ATAD2B: variants seen among roughly 807,000 people sequenced by gnomAD.
ATAD2B encodes ATPase family AAA domain containing 2B.
A neutral mutation model predicts 167.6 loss-of-function variants in ATAD2B; 40 were observed. The observed-to-expected ratio is 0.24, with a 90% CI of 0.19 to 0.31. The LOEUF (loss-of-function observed/expected upper bound fraction) is 0.31. Ranked by LOEUF, ATAD2B falls within the 10% of genes least tolerant of loss-of-function variation. The pLI is 1.00. For missense variants in ATAD2B, 1,242 were observed against 1,757.2 expected (o/e 0.71, Z 5.24); for synonymous variants, 579 against 596.5 (o/e 0.97, Z 0.43).
Position 23,867,919 on chromosome 2 carries a change from C to T in ATAD2B, c.1104G>A (p.Glu368=), listed in dbSNP as rs1203344854. 6.2e-7 allele frequency: 1 copy of T among 1,613,390 alleles called. No individual in the cohort carries two copies. The highest frequency in any genetic ancestry group is 8.5e-7 in the Non-Finnish European group (1 of 1,179,662). The change falls in exon 10 of 28, where the codon GAG becomes GAA. Residue 368 remains glutamate (E), a synonymous_variant. Transcript: ENST00000238789. ...NRCLPMNFRA[E]DLASGILRER... ...CTCGGAGAATACCGCTAGCTAAGTCCTCTGCTCTGAAGTTCATAGGCAAAC... is the reference window on the plus strand; with the variant it reads ...CTCGGAGAATACCGCTAGCTAAGTCTTCTGCTCTGAAGTTCATAGGCAAAC...
intron 1 of ATAD2B, among the ~76,000 whole-genome samples, chr2:23,924,556 TGTAAGAGTAGTTACGTCTCTAAAA>T (rs2150730529): frequency 6.6e-6 from 1 of 152,314 alleles, no homozygotes; most frequent in African/African-American, 2.4e-5. Context: ...CCAATCACTA[TGTAAGAGTAGTTACGTCTCTAAAA>T]AAACCTTTCA....
chr2:23,862,067 G>A (rs1489145522), intron 12 of ATAD2B, among the ~76,000 whole-genome samples: 1 of 152,076 alleles, frequency 6.6e-6, no homozygotes, highest in Non-Finnish European at 1.5e-5. Context: ...AAGTGTGGTA[G>A]TGCACACCTG....
chr2:23,855,968 C>T (rs1693329010), intron 13 of ATAD2B: 1 of 152,056 alleles, frequency 6.6e-6, no homozygotes, highest in African/African-American at 2.4e-5. Flanking sequence ...GCGGGTGGAT[C>T]ACAATGTCAG....
the ATAD2B span, among the ~76,000 whole-genome samples, chr2:23,699,686 C>T: frequency 1.3e-5 from 2 of 152,186 alleles, no homozygotes; most frequent in African/African-American, 4.8e-5. Flanking sequence ...AACCGTTTGC[C>T]TTCTCGGCGC....
At chr2:23,754,881 A>G in intron 25 of ATAD2B, 107 bp from the exon 26 acceptor site, 3 of 1,174,684 alleles carry the variant, frequency 2.6e-6, no homozygotes. Flanking sequence ...TTTTGGAATG[A>G]GGAAGGGTGT....
chr2:23,918,776 G>C (rs572199244), intron 1 of ATAD2B, among the ~76,000 whole-genome samples: 1 of 152,100 alleles, frequency 6.6e-6, no homozygotes, highest in Non-Finnish European at 1.5e-5. Context: ...TGATAAGTGA[G>C]GTAAAGAACT....
In ATAD2B at chr2:23,786,121, A is replaced by G. The variant is rs1680768947; in HGVS notation, c.2879T>C (p.Leu960Ser). 1 of 1,610,352 alleles carries G rather than the reference A, an allele frequency of 6.2e-7. No individual in the cohort carries two copies. The highest frequency in any genetic ancestry group is 8.5e-7 in the Non-Finnish European group (1 of 1,178,212). ...SRMEDQEENT[L>S]RELRLFLRDV... ...CCTGAGAAACAACCGCAACTCTCTT[A>G]AAGTATTTTCCTCCTGGTCCTCCAT... The change falls in exon 21 of 28, where the codon TTA becomes TCA. Residue 960 changes from leucine to serine, a missense_variant. Leu to Ser is a moderately radical substitution (Grantham distance 145). This residue lies in a region of ATAD2B where 204 missense variants were observed against 324.0 expected (regional missense o/e 0.63). Coordinates refer to ENST00000238789, the MANE Select transcript of ATAD2B (RefSeq NM_017552.4).
chr2:23,909,591 A>T (rs1558783828), intron 1 of ATAD2B, among the ~76,000 whole-genome samples: 1 of 152,014 alleles, frequency 6.6e-6, no homozygotes, highest in Non-Finnish European at 1.5e-5. Flanking sequence ...ATATAAACCC[A>T]TAGTACATGT....
rs1572724034 is a variant in ATAD2B at position 23,781,534 on chromosome 2, A to G, written c.3133+1335T>C. Among the ~76,000 whole-genome samples, 5 of 151,684 alleles carry G rather than the reference A, an allele frequency of 3.3e-5. No homozygotes were observed. The East Asian group carries it at 9.7e-4, about 29-fold the overall frequency. ...ACAAAAATTAGCTGGACGTGGTGGC[A>G]GGTGCCTGAAATCCCAGCTACTCGG... On this transcript the variant is annotated intron_variant, in intron 22 of 27. Transcript: ENST00000238789.
At chr2:23,792,381 C>T (rs1681889762) in intron 19 of ATAD2B, among the ~76,000 whole-genome samples, 3 of 151,414 alleles carry the variant, frequency 2.0e-5, no homozygotes, top group Non-Finnish European at 4.4e-5. Context: ...TTAACACATT[C>T]CTTAGAATTG....
chr2:23,854,570 CG>C (rs1693063191), intron 13 of ATAD2B, among the ~76,000 whole-genome samples: 1 of 150,860 alleles, frequency 6.6e-6, no homozygotes, highest in African/African-American at 2.4e-5. Context: ...CCCAGCTACT[CG>C]GGGGGCCAAG....
the ATAD2B span, chr2:23,696,632 C>T: frequency 1.3e-6 from 1 of 773,776 alleles, no homozygotes; most frequent in Non-Finnish European, 2.0e-6. This position sits in a 1 kb window ranked among gnomAD's most constrained non-coding sequence, Gnocchi z 5.5. Flanking sequence ...CTGGACCATT[C>T]ATATGGGCAG....
chr2:23,831,019 T>A (rs1232958314), intron 14 of ATAD2B, among the ~76,000 whole-genome samples: 1 of 152,110 alleles, frequency 6.6e-6, no homozygotes, highest in Non-Finnish European at 1.5e-5. Context: ...CCAATCAAAG[T>A]CACTTTCCTT....
chr2:23,818,139 CACAGAG>C (rs1558591179), intron 17 of ATAD2B, among the ~76,000 whole-genome samples: 25 of 131,240 alleles, frequency 1.9e-4, no homozygotes, highest in East Asian at 1.9e-3. Flanking sequence ...CACACACACA[CACAGAG>C]AGAGAGAAGG....
chr2:23,785,810 A>G (rs986988770), intron 21 of ATAD2B: 20 of 449,222 alleles, frequency 4.5e-5, no homozygotes, highest in African/African-American at 3.4e-4. Context: ...AAGGTTAATA[A>G]TAATTAAGAG....
rs567959920 is a variant in ATAD2B at position 23,925,956 on chromosome 2, T to C, written c.216+599A>G. On this transcript the variant is annotated intron_variant, in intron 1 of 27. Transcript: ENST00000238789. ...GCTGGCTGGTTCCCCAGCTATAATA[T>C]CATGTTTGATCTCTCCTGCCTGGAG... Among the ~76,000 whole-genome samples, 128 of 152,258 alleles carry C rather than the reference T, an allele frequency of 8.4e-4. 1 individual carries two copies. Among genetic ancestry groups the C allele is most frequent in the African/African-American group, 3.0e-3 (125 of 41,546 alleles).
At chr2:23,687,671 C>T in the ATAD2B span, among the ~76,000 whole-genome samples, 1 of 152,114 alleles carries the variant, frequency 6.6e-6, no homozygotes, top group Non-Finnish European at 1.5e-5. Flanking sequence ...CAGAGAGGCT[C>T]CTTGGAGAGG....
At chr2:23,820,020 A>G (rs1687210941) in intron 16 of ATAD2B, 138 bp from the exon 17 acceptor site, 1 of 549,976 alleles carries the variant, frequency 1.8e-6, no homozygotes, top group South Asian at 3.0e-5. Context: ...GCAAACTGAC[A>G]AACTGCAGCT....
rs573008280 is a variant in ATAD2B, at chr2:23,843,126, A to C, written c.1569-9048T>G. On this transcript the variant is annotated intron_variant, in intron 13 of 27. Coordinates refer to ENST00000238789, the MANE Select transcript of ATAD2B (RefSeq NM_017552.4). ...AATTAAATAAAATAAAACATGCTTA[A>C]ATGCATGAAAATCACATTGGAAAAA... is the stretch of plus-strand genomic sequence containing the variant. 3.3e-5 allele frequency among the ~76,000 whole-genome samples: 5 copies of C among 152,352 alleles called. 1 individual carries two copies. In the South Asian group the frequency reaches 1.0e-3, roughly 32 times the overall value.
Sources: allele counts gnomAD v4.1 joint callset (sites outside exome capture counted in the v4.1 genomes callset), GRCh38; gene constraint gnomAD v4.1.1; regional missense constraint gnomAD v4.1.1; non-coding constraint Gnocchi (gnomAD v3.1); transcripts MANE v1.5; gene names NCBI Gene and HGNC (gene_info 2026-07-23, HGNC 2026-07-21).